MB21D2: variants seen among roughly 807,000 people sequenced by gnomAD.
MB21D2 encodes Mab-21 domain containing 2.
MB21D2 carries 9 observed loss-of-function variants against 33.3 expected under a neutral mutation model. The ratio of observed to expected loss-of-function variants is 0.27; its 90% CI spans 0.16 to 0.47. The LOEUF (loss-of-function observed/expected upper bound fraction) is 0.47. Among genes scored for constraint, MB21D2 ranks in the 20% least tolerant of loss-of-function variants. The pLI, the probability that MB21D2 is intolerant of heterozygous loss-of-function variation, is 0.99. For synonymous variants in MB21D2, 241 were observed against 236.3 expected, an observed-to-expected ratio of 1.02 and a Z score of -0.18; for missense variants, 540 against 624.6, an observed-to-expected ratio of 0.86 and a Z score of 1.44.
intron 1 of MB21D2, among the ~76,000 whole-genome samples, chr3:192,855,748 C>A (rs1712902156): frequency 6.6e-6 from 1 of 152,148 alleles, no homozygotes. Context: ...CCTCCATTTA[C>A]AGGATAGAAA....
At chr3:192,898,846 G>T (rs982958141) in intron 1 of MB21D2, among the ~76,000 whole-genome samples, 31 of 152,334 alleles carry the variant, frequency 2.0e-4, no homozygotes, top group African/African-American at 7.0e-4. Context: ...CCCAAGAAGT[G>T]GAGATTTGAC....
intron 1 of MB21D2, among the ~76,000 whole-genome samples, chr3:192,816,452 C>T (rs1711926639): frequency 6.6e-6 from 1 of 152,152 alleles, no homozygotes; most frequent in Admixed American, 6.5e-5. Context: ...AGTTTTCAGT[C>T]TTTCCACTAG....
intron 1 of MB21D2, among the ~76,000 whole-genome samples, chr3:192,915,098 A>G (rs1714432673): frequency 1.3e-5 from 2 of 152,238 alleles, no homozygotes; most frequent in South Asian, 4.2e-4. Context: ...ATTCTGTGTG[A>G]GGGGATAATA....
intron 1 of MB21D2, among the ~76,000 whole-genome samples, chr3:192,895,124 C>T (rs143254241): frequency 3.5e-4 from 53 of 152,268 alleles, no homozygotes; most frequent in South Asian, 1.9e-3. Context: ...CACTCCATGG[C>T]TCCCGCTTCT....
At chr3:192,850,024 T>C (rs1320961912) in intron 1 of MB21D2, among the ~76,000 whole-genome samples, 1 of 151,652 alleles carries the variant, frequency 6.6e-6, no homozygotes, top group Non-Finnish European at 1.5e-5. Flanking sequence ...ATTCAAGCAA[T>C]TCTCCTGCCT....
intron 1 of MB21D2, among the ~76,000 whole-genome samples, chr3:192,904,235 C>T (rs1400271654): frequency 6.6e-6 from 1 of 152,146 alleles, no homozygotes; most frequent in Non-Finnish European, 1.5e-5. Flanking sequence ...CACAGCAGGA[C>T]ACCGGGTTCT....
intron 1 of MB21D2, among the ~76,000 whole-genome samples, chr3:192,881,860 A>G (rs1294783292): frequency 1.3e-5 from 2 of 152,130 alleles, no homozygotes. Context: ...CTTGTCCCCA[A>G]AAGTATTGAA....
chr3:192,882,968 G>A (rs1029264759), intron 1 of MB21D2, among the ~76,000 whole-genome samples: 3 of 151,602 alleles, frequency 2.0e-5, no homozygotes, highest in African/African-American at 4.9e-5. Flanking sequence ...CCTGACCTCA[G>A]GTAATCCACC....
intron 1 of MB21D2, among the ~76,000 whole-genome samples, chr3:192,843,844 C>G (rs1251763645): frequency 6.6e-6 from 1 of 152,104 alleles, no homozygotes; most frequent in Admixed American, 6.5e-5. Flanking sequence ...ACCTACACAG[C>G]CCCCAGCCCA....
chr3:192,884,429 C>A (rs762396183), intron 1 of MB21D2, among the ~76,000 whole-genome samples: 1 of 151,694 alleles, frequency 6.6e-6, no homozygotes, highest in African/African-American at 2.4e-5. Flanking sequence ...TGCAGTGGCG[C>A]GATCTAGGCT....
At chr3:192,819,100 T>C (rs939694047) in intron 1 of MB21D2, among the ~76,000 whole-genome samples, 1 of 152,134 alleles carries the variant, frequency 6.6e-6, no homozygotes, top group African/African-American at 2.4e-5. Flanking sequence ...GAGCTGAGCA[T>C]GTCTGAAGAA....
chr3:192,860,697 C>T (rs1713023511), intron 1 of MB21D2, among the ~76,000 whole-genome samples: 1 of 152,180 alleles, frequency 6.6e-6, no homozygotes, highest in Non-Finnish European at 1.5e-5. Flanking sequence ...AAGACTTTAT[C>T]AAGTCTTGAG....
At chr3:192,807,984 G>A (rs1042544244) in intron 1 of MB21D2, among the ~76,000 whole-genome samples, 9 of 151,984 alleles carry the variant, frequency 5.9e-5, no homozygotes, top group African/African-American at 1.9e-4. Context: ...GATTGGGGGC[G>A]CTTTTCTTTC....
rs187661102 is a variant in MB21D2 at position 192,832,566 on chromosome 3, C to T, written c.212-32916G>A. On this transcript the variant is annotated intron_variant, in intron 1 of 1. Transcript: ENST00000392452. ...CAGCACCTTGAGAGGCTGAGGCGGG[C>T]GGATCACGAGGTCAAGAGATTGAGA... Among the ~76,000 whole-genome samples the T allele has an allele frequency of 2.5e-4, 38 of 152,196 alleles. No individual in the cohort carries two copies. The East Asian group carries it at 4.4e-3, about 18-fold the overall frequency.
intron 1 of MB21D2, among the ~76,000 whole-genome samples, chr3:192,857,758 G>C (rs1423849043): frequency 6.6e-6 from 1 of 152,150 alleles, no homozygotes; most frequent in African/African-American, 2.4e-5. Context: ...TGTGACATGG[G>C]ACAAAGGTGG....
intron 1 of MB21D2, among the ~76,000 whole-genome samples, chr3:192,831,022 T>C (rs377487382): frequency 1.1e-4 from 17 of 152,234 alleles, no homozygotes; most frequent in African/African-American, 4.1e-4. Flanking sequence ...CTGATACCCA[T>C]ACCCTTGCGT....
intron 1 of MB21D2, among the ~76,000 whole-genome samples, chr3:192,815,651 G>A (rs1024329259): frequency 4.6e-5 from 7 of 152,196 alleles, no homozygotes; most frequent in African/African-American, 1.4e-4. Context: ...CAACTTTGGC[G>A]GGCTTTTGGA....
At chr3:192,908,571 G>A (rs1449888361) in intron 1 of MB21D2, among the ~76,000 whole-genome samples, 1 of 151,522 alleles carries the variant, frequency 6.6e-6, no homozygotes, top group Non-Finnish European at 1.5e-5. Flanking sequence ...CCACCACCAC[G>A]CCCAGCTAAT....
At chr3:192,893,706 G>A (rs1157515484) in intron 1 of MB21D2, among the ~76,000 whole-genome samples, 2 of 152,102 alleles carry the variant, frequency 1.3e-5, no homozygotes, top group Non-Finnish European at 2.9e-5. Context: ...TCTCCCTTTC[G>A]AAACCAGTGC....
Sources: allele counts gnomAD v4.1 joint callset (sites outside exome capture counted in the v4.1 genomes callset), GRCh38; gene constraint gnomAD v4.1.1; transcripts MANE v1.5; gene names NCBI Gene and HGNC (gene_info 2026-07-23, HGNC 2026-07-21).